Variants in RTF1 observed in about 807,000 individuals in gnomAD.
RTF1 encodes the protein RNA polymerase-associated protein RTF1 homolog.
RTF1 carries 10 observed loss-of-function variants against 95.7 expected under a neutral mutation model. The ratio of observed to expected loss-of-function variants is 0.10; its 90% CI spans 0.06 to 0.18. The LOEUF (loss-of-function observed/expected upper bound fraction) is 0.18. Ranked by LOEUF, RTF1 falls within the 10% of genes least tolerant of loss-of-function variation. The pLI is 1.00. For missense variants in RTF1, 458 were observed against 875.6 expected (o/e 0.52, Z 6.02); for synonymous variants, 305 against 311.8 (o/e 0.98, Z 0.23).
intron 15 of RTF1, 28 bp downstream of exon 15, chr15:41,478,653 C>G (rs1380108750): frequency 6.5e-7 from 1 of 1,543,586 alleles, no homozygotes; most frequent in East Asian, 2.2e-5. Context: ...ACATTTTAGT[C>G]AGGACCTAGA....
At chr15:41,449,714 A>G (rs1269983513) in intron 2 of RTF1, among the ~76,000 whole-genome samples, 1 of 151,766 alleles carries the variant, frequency 6.6e-6, no homozygotes, top group African/African-American at 2.4e-5. Context: ...TTCTCTAGTA[A>G]TAGCTACTCA....
chr15:41,465,407 G>A (rs1311712048), intron 5 of RTF1, among the ~76,000 whole-genome samples: 2 of 152,176 alleles, frequency 1.3e-5, no homozygotes, highest in Admixed American at 6.6e-5. Flanking sequence ...TTGAGAGGCC[G>A]AGGCAGACAG....
chr15:41,444,128 A>G (rs1418481564), intron 2 of RTF1, among the ~76,000 whole-genome samples: 2 of 150,982 alleles, frequency 1.3e-5, no homozygotes, highest in African/African-American at 4.9e-5. Flanking sequence ...AAAATTAGTC[A>G]GGTGTGGTGG....
chr15:41,439,962 T>C (rs1391609851), intron 2 of RTF1, among the ~76,000 whole-genome samples: 2 of 152,310 alleles, frequency 1.3e-5, no homozygotes, highest in East Asian at 3.9e-4. Flanking sequence ...TTTCATTTGA[T>C]TTAAAGTATT....
At position 41,480,310 on chromosome 15, in the gene RTF1, C is replaced by A. The variant is rs751394656; in HGVS notation, c.2011C>A (p.Gln671Lys). 2.5e-6 allele frequency: 4 copies of A among 1,611,020 alleles called. No individual in the cohort carries two copies. The African/African-American group carries it at 4.0e-5, about 16-fold the overall frequency. ...CGATTTTGATGTGAAGATTGACTTA[C>A]AAGTTCCCAGCTCAGGTATGTGAGG... Reference protein sequence around the residue: ...VHDFDVKIDLQVPSSESKALA... With the variant: ...VHDFDVKIDLKVPSSESKALA... The change falls in exon 17 of 18, where the codon CAA becomes AAA. Residue 671 changes from glutamine to lysine, a missense_variant. This residue lies in a region of RTF1 where 50 missense variants were observed against 100.0 expected (regional missense o/e 0.50). Coordinates refer to ENST00000389629, the MANE Select transcript of RTF1 (RefSeq NM_015138.5).
chr15:41,441,193 T>G (rs911780140), intron 2 of RTF1, among the ~76,000 whole-genome samples: 2 of 150,314 alleles, frequency 1.3e-5, no homozygotes, highest in African/African-American at 2.4e-5. Context: ...GGATGGTCTC[T>G]ATCTCCTGAC....
chr15:41,479,487 G>A (rs117629515), intron 16 of RTF1, among the ~76,000 whole-genome samples: 4,758 of 152,296 alleles, frequency 0.031, 106 homozygotes, highest in South Asian at 0.058. Flanking sequence ...TGTATACCCT[G>A]CCAGCTTCAC....
chr15:41,420,407 C>G (rs1424915180), intron 1 of RTF1, among the ~76,000 whole-genome samples: 1 of 152,154 alleles, frequency 6.6e-6, no homozygotes, highest in East Asian at 1.9e-4. Context: ...AGACCTTTAG[C>G]ACAAGTTCAC....
rs1209123394 is a variant in RTF1, at chr15:41,483,126, G to A, written c.*2439G>A. The A allele has an allele frequency of 2.0e-5, 3 of 152,584 alleles. No homozygotes were observed. The highest frequency in any genetic ancestry group is 4.4e-5 in the Non-Finnish European group (3 of 68,050). 9.5% of individuals were successfully genotyped at this position (152,584 alleles called of 1,614,324 possible). A position where few individuals can be genotyped will look rare whatever the true frequency, so the allele number is the denominator to read the frequency against. ...CCCGAGTAGCCTCTGTAGTGATTGG[G>A]ACCAAGACTAAGGACTTGTCTCCAA... On this transcript the variant is annotated 3_prime_UTR_variant, in exon 18 of 18. Coordinates refer to ENST00000389629, the MANE Select transcript of RTF1 (RefSeq NM_015138.5).
In RTF1 at chr15:41,470,330, T is replaced by C. The variant is rs770661026; in HGVS notation, c.963T>C (p.Asp321=). 4 of 1,614,044 alleles carry C rather than the reference T, an allele frequency of 2.5e-6. No individual in the cohort carries two copies. The highest frequency in any genetic ancestry group is 2.5e-6 in the Non-Finnish European group (3 of 1,180,012). The change falls in exon 7 of 18, where the codon GAT becomes GAC. Residue 321 remains aspartate (D), a synonymous_variant. Coordinates refer to ENST00000389629, the MANE Select transcript of RTF1 (RefSeq NM_015138.5). Reference sequence around the variant, plus strand: ...CTGATGATGAAGAGGAGGAAGAGGATGACAAATCCAGTGAAAAGTCAGACC... The same window carrying C: ...CTGATGATGAAGAGGAGGAAGAGGACGACAAATCCAGTGAAAAGTCAGACC... ...VYSDDEEEEE[D]DKSSEKSDRS... is the part of the protein sequence containing the mutation.
chr15:41,476,830 A>G lies in RTF1; in HGVS notation c.1560+307A>G, dbSNP rs534731943. ...TCTGAACAGACAGATGACACTGTCA[A>G]GGCCACCTGTGGCTGGTGATTTTCC... On this transcript the variant is annotated intron_variant, in intron 12 of 17. Transcript: ENST00000389629. Among the ~76,000 whole-genome samples, 12 of 152,358 alleles carry G rather than the reference A, an allele frequency of 7.9e-5. No individual in the cohort carries two copies. The East Asian group carries it at 1.3e-3, about 17-fold the overall frequency.
Position 41,471,326 on chromosome 15 carries a change from C to T in RTF1, c.1180C>T (p.His394Tyr). ...TTTTGTGCGGATTGGCATCGGAAAC[C>T]ACAACAGCAAACCAGTTTACCGGGT... ...GCFVRIGIGN[H>Y]NSKPVYRVAE... Residue 394 changes from histidine to tyrosine, a missense_variant, in exon 8 of 18, where the codon CAC (histidine) becomes TAC (tyrosine). Coordinates refer to ENST00000389629, the MANE Select transcript of RTF1 (RefSeq NM_015138.5). The T allele has an allele frequency of 5.6e-6, 9 of 1,611,988 alleles. No homozygotes were observed. The highest frequency in any genetic ancestry group is 7.6e-6 in the Non-Finnish European group (9 of 1,179,366).
intron 4 of RTF1, among the ~76,000 whole-genome samples, chr15:41,460,267 C>T (rs941491347): frequency 3.3e-5 from 5 of 151,194 alleles, no homozygotes; most frequent in Admixed American, 1.3e-4. Flanking sequence ...GGATTACAGA[C>T]GCCCGCCACA....
chr15:41,429,050 T>G (rs1296954221), intron 1 of RTF1, among the ~76,000 whole-genome samples: 1 of 152,014 alleles, frequency 6.6e-6, no homozygotes, highest in Non-Finnish European at 1.5e-5. Flanking sequence ...GCGAATTGAT[T>G]TTTAATTTTT....
chr15:41,464,351 C>A (rs572608713), intron 4 of RTF1, among the ~76,000 whole-genome samples: 1 of 150,720 alleles, frequency 6.6e-6, no homozygotes, highest in Non-Finnish European at 1.5e-5. Flanking sequence ...CGGATTAAAG[C>A]GATTCTCCTG....
intron 1 of RTF1, among the ~76,000 whole-genome samples, chr15:41,432,136 G>A (rs948416093): frequency 5.9e-5 from 9 of 151,646 alleles, no homozygotes; most frequent in African/African-American, 2.2e-4. Flanking sequence ...TAGTAGAAGA[G>A]GGATTGTACT....
intron 8 of RTF1, 130 bp downstream of exon 8, chr15:41,471,479 T>TC: frequency 1.0e-6 from 1 of 966,454 alleles, no homozygotes; most frequent in Non-Finnish European, 1.5e-6. Context: ...CCAAGTGGGA[T>TC]CCCCATAGAG....
chr15:41,426,781 A>ATGTGTG (rs58073154), intron 1 of RTF1, among the ~76,000 whole-genome samples: 4,507 of 78,282 alleles, frequency 0.058, 136 homozygotes, highest in East Asian at 0.084. Flanking sequence ...CTACATATAT[A>ATGTGTG]TGTGTGTGTG....
chr15:41,447,864 C>T (rs1159120976), intron 2 of RTF1, among the ~76,000 whole-genome samples: 3 of 152,152 alleles, frequency 2.0e-5, no homozygotes, highest in Non-Finnish European at 4.4e-5. Flanking sequence ...TCAGTAGAAC[C>T]ATACTTCTCA....
Sources: gnomAD v4.1 joint callset for allele counts (sites outside exome capture counted in the v4.1 genomes callset) on GRCh38, gnomAD v4.1.1 for gene constraint, gnomAD v4.1.1 regional missense constraint, MANE v1.5 for transcripts, NCBI Gene and HGNC (gene_info 2026-07-23, HGNC 2026-07-21) for gene names.